The following CELF2 variants were observed in gnomAD, a reference collection of about 807,000 sequenced individuals.
CELF2 encodes CUG triplet repeat RNA-binding protein 2.
CELF2 carries 8 observed loss-of-function variants against 62.6 expected under a neutral mutation model. The observed-to-expected ratio is 0.13, with a 90% CI of 0.07 to 0.23. CELF2 has a LOEUF of 0.23. Among genes scored for constraint, CELF2 ranks in the 10% least tolerant of loss-of-function variants. The pLI, the probability that CELF2 is intolerant of heterozygous loss-of-function variation, is 1.00. For synonymous variants in CELF2, 258 were observed against 250.0 expected (o/e 1.03, Z -0.30); for missense variants, 333 against 671.0 (o/e 0.50, Z 5.56).
chr10:10,661,874 A>C, the CELF2 span, among the ~76,000 whole-genome samples: 1 of 152,190 alleles, frequency 6.6e-6, no homozygotes, highest in Non-Finnish European at 1.5e-5. Flanking sequence ...CTCATCCCAC[A>C]GAAAGTTCTA....
chr10:10,574,552 A>T, the CELF2 span, among the ~76,000 whole-genome samples: 1 of 152,242 alleles, frequency 6.6e-6, no homozygotes, highest in Non-Finnish European at 1.5e-5. Context: ...GTTCCATTTA[A>T]TTTTAAAAAG....
At position 11,314,043 on chromosome 10, in the gene CELF2, G is replaced by C. The variant is rs2094746721; in HGVS notation, c.977-96G>C. 3 of 1,279,102 alleles carry C rather than the reference G, an allele frequency of 2.3e-6. No homozygotes were observed. The highest frequency in any genetic ancestry group is 3.3e-6 in the Non-Finnish European group (3 of 904,716). 79.2% of individuals were successfully genotyped at this position (1,279,102 alleles called of 1,614,324 possible). On this transcript the variant is annotated intron_variant, in intron 9 of 12. Transcript: ENST00000633077. This position sits in a 1 kb window ranked among gnomAD's most constrained non-coding sequence, Gnocchi z 5.3. ...CCAAAGCCACAAGCACAGCTCCTCAGCTCCGTCCACTGAGATGATGACAGA... is the reference window on the plus strand; with the variant it reads ...CCAAAGCCACAAGCACAGCTCCTCACCTCCGTCCACTGAGATGATGACAGA...
chr10:11,165,173 T>C lies in CELF2; in HGVS notation c.75-313T>C. 8.3e-7 allele frequency: 1 copy of C among 1,202,882 alleles called. No individual in the cohort carries two copies. The highest frequency in any genetic ancestry group is 1.6e-5 in the African/African-American group (1 of 62,646). 74.5% of individuals were successfully genotyped at this position (1,202,882 alleles called of 1,614,324 possible). A position where few individuals can be genotyped will look rare whatever the true frequency, so the allele number is the denominator to read the frequency against. On this transcript the variant is annotated intron_variant, in intron 1 of 12. Coordinates refer to ENST00000633077, the MANE Select transcript of CELF2 (RefSeq NM_001326342.2). This position sits in a 1 kb window ranked among gnomAD's most constrained non-coding sequence, Gnocchi z 7.4. The stretch of plus-strand genomic sequence containing the variant: ...GATGGCAGCCTTGCAGAGCTAGACC[T>C]GCACTTAACTTGCAGCTGCCTCCCG...
intron 2 of CELF2, among the ~76,000 whole-genome samples, chr10:11,176,160 T>G (rs1046545254): frequency 8.5e-5 from 13 of 152,328 alleles, no homozygotes; most frequent in African/African-American, 1.2e-4. Context: ...TTCGGTTACA[T>G]GCCCGTATCT....
the CELF2 span, among the ~76,000 whole-genome samples, chr10:10,564,680 A>ACGCG: frequency 1.3e-4 from 17 of 131,538 alleles, no homozygotes; most frequent in East Asian, 1.1e-3. Flanking sequence ...ACACGCACAC[A>ACGCG]CGCACACACA....
At chr10:10,741,562 T>A in the CELF2 span, among the ~76,000 whole-genome samples, 1 of 149,962 alleles carries the variant, frequency 6.7e-6, no homozygotes, top group Non-Finnish European at 1.5e-5. Flanking sequence ...TTTTGTAGTA[T>A]CACCCTCATT....
chr10:10,504,160 C>T, the CELF2 span, among the ~76,000 whole-genome samples: 25 of 152,086 alleles, frequency 1.6e-4, no homozygotes, highest in Admixed American at 5.2e-4. Flanking sequence ...TACATTATTG[C>T]TTACTTGTAG....
At chr10:11,197,020 GAAAGA>G (rs1398297054) in intron 2 of CELF2, among the ~76,000 whole-genome samples, 3 of 9,460 alleles carry the variant, frequency 3.2e-4, no homozygotes, top group African/African-American at 1.3e-3. Context: ...AAGAAAGAAA[GAAAGA>G]AAAGAAAGAA....
At chr10:11,100,423 G>T (rs997700574) in intron 1 of CELF2, among the ~76,000 whole-genome samples, 15 of 151,700 alleles carry the variant, frequency 9.9e-5, no homozygotes, top group African/African-American at 3.4e-4. Context: ...TTGGTTACAT[G>T]GATAAGTCCT....
At chr10:10,981,427 C>A (rs1030923052) in intron 2 of CELF2, among the ~76,000 whole-genome samples, 1 of 152,142 alleles carries the variant, frequency 6.6e-6, no homozygotes, top group Non-Finnish European at 1.5e-5. Flanking sequence ...CTAATAGATT[C>A]AAGGTTGAAG....
chr10:11,299,760 G>A (rs938863807), intron 9 of CELF2, among the ~76,000 whole-genome samples: 3 of 134,994 alleles, frequency 2.2e-5, no homozygotes, highest in East Asian at 3.9e-4. Context: ...TCCCAGAACC[G>A]TATTTCTGGG....
the CELF2 span, among the ~76,000 whole-genome samples, chr10:10,677,719 T>C: frequency 1.3e-5 from 2 of 152,188 alleles, no homozygotes; most frequent in Admixed American, 6.5e-5. Flanking sequence ...AGCAGCCTCA[T>C]GTTTATTGTT....
At chr10:10,551,109 G>C in the CELF2 span, among the ~76,000 whole-genome samples, 13 of 152,220 alleles carry the variant, frequency 8.5e-5, no homozygotes, top group African/African-American at 3.1e-4. Context: ...TCAATGTGGA[G>C]ATCTGTGAAA....
the CELF2 span, among the ~76,000 whole-genome samples, chr10:10,517,286 G>A: frequency 6.6e-6 from 1 of 152,064 alleles, no homozygotes; most frequent in Non-Finnish European, 1.5e-5. Flanking sequence ...GAAGTGGTAG[G>A]AGGTGGCCTC....
chr10:10,691,927 G>A, the CELF2 span, among the ~76,000 whole-genome samples: 5 of 151,300 alleles, frequency 3.3e-5, no homozygotes, highest in African/African-American at 1.2e-4. Flanking sequence ...AGATGAGTAG[G>A]TTGCGAAAAT....
intron 1 of CELF2, among the ~76,000 whole-genome samples, chr10:10,825,677 G>T (rs548923340): frequency 5.9e-5 from 9 of 152,154 alleles, no homozygotes; most frequent in African/African-American, 1.9e-4. Flanking sequence ...CTAGGTATCC[G>T]GAGTGTTGGT....
In CELF2 at chr10:11,280,989, C is replaced by CGTGTGTGTGCGT. The variant is rs2088384496; in HGVS notation, c.841+5878_841+5879insCGTGTGTGTGTG. 6.9e-6 allele frequency among the ~76,000 whole-genome samples: 1 copy of CGTGTGTGTGCGT among 144,400 alleles called. No homozygotes were observed. The highest frequency in any genetic ancestry group is 2.6e-5 in the African/African-American group (1 of 38,838). The allele number at this position is 144,400 out of a possible 152,430, so 94.7% of individuals were successfully genotyped here. Reference sequence around the variant, plus strand: ...TGGCGTGCGTGTGCATGCCTGTGTGCGTGTGTGTGTGTGTGTGTGTGTGTG... The same window carrying CGTGTGTGTGCGT: ...TGGCGTGCGTGTGCATGCCTGTGTGCGTGTGTGTGCGTGTGTGTGTGTGTGTGTGTGTGTGTG... On this transcript the variant is annotated intron_variant, in intron 8 of 12. Transcript: ENST00000633077. This position sits in a 1 kb window ranked among gnomAD's most constrained non-coding sequence, Gnocchi z 7.6.
chr10:10,561,651 G>A, the CELF2 span, among the ~76,000 whole-genome samples: 2 of 152,144 alleles, frequency 1.3e-5, no homozygotes, highest in Non-Finnish European at 2.9e-5. Context: ...ACACCACTGA[G>A]AAGGTGGCAT....
At chr10:11,137,270 ATAGAG>A (rs1299662325) in intron 1 of CELF2, among the ~76,000 whole-genome samples, 1 of 152,234 alleles carries the variant, frequency 6.6e-6, no homozygotes, top group Non-Finnish European at 1.5e-5. Context: ...TCTGGAGTCA[ATAGAG>A]TAGAGTTAGA....
Sources: gnomAD v4.1 joint callset for allele counts (sites outside exome capture counted in the v4.1 genomes callset) on GRCh38, gnomAD v4.1.1 for gene constraint, Gnocchi (gnomAD v3.1) non-coding constraint, MANE v1.5 for transcripts, NCBI Gene and HGNC (gene_info 2026-07-23, HGNC 2026-07-21) for gene names.